The following CSMD1 variants were observed in gnomAD, a reference collection of about 807,000 sequenced individuals.
The protein encoded by CSMD1 is CUB and Sushi multiple domains 1.
Under a neutral mutation model 417.5 loss-of-function variants are expected in CSMD1, and 213 were observed. That is an observed-to-expected ratio of 0.51 (90% CI 0.46 to 0.57). CSMD1 has a LOEUF of 0.57. Ranked by LOEUF, CSMD1 falls within the 20% of genes least tolerant of loss-of-function variation. The pLI is 0.00. For missense variants in CSMD1, 6,923 were observed against 4,529.7 expected (o/e 1.53, Z -15.17); for synonymous variants, 2,862 against 1,736.8 (o/e 1.65, Z -16.11).
chr8:3,726,868 G>C (rs1309490217), intron 6 of CSMD1, among the ~76,000 whole-genome samples: 2 of 152,192 alleles, frequency 1.3e-5, no homozygotes, highest in Non-Finnish European at 2.9e-5. Flanking sequence ...CCCAAAGATA[G>C]ATTTCCTGTC....
intron 50 of CSMD1, among the ~76,000 whole-genome samples, chr8:3,047,726 T>C (rs1051505723): frequency 2.0e-5 from 3 of 152,210 alleles, no homozygotes; most frequent in Non-Finnish European, 4.4e-5. Context: ...GGCTCTTTAT[T>C]TCAGGGTTAT....
intron 5 of CSMD1, among the ~76,000 whole-genome samples, chr8:3,760,799 T>A (rs1490747276): frequency 6.6e-6 from 1 of 152,174 alleles, no homozygotes; most frequent in African/African-American, 2.4e-5. Context: ...TAAGTCTCTT[T>A]AACTATGATG....
At chr8:4,701,047 T>A (rs1807502373) in intron 1 of CSMD1, among the ~76,000 whole-genome samples, 2 of 152,138 alleles carry the variant, frequency 1.3e-5, no homozygotes, top group Admixed American at 1.3e-4. Context: ...AAAGTATGAG[T>A]ACATAAAACA....
At chr8:4,823,633 G>A (rs1006370164) in intron 1 of CSMD1, among the ~76,000 whole-genome samples, 2 of 151,990 alleles carry the variant, frequency 1.3e-5, no homozygotes, top group Non-Finnish European at 2.9e-5. Flanking sequence ...ACTACACATA[G>A]CCTTTAGAAA....
intron 49 of CSMD1, among the ~76,000 whole-genome samples, chr8:3,075,006 C>T (rs977795175): frequency 6.6e-6 from 1 of 152,032 alleles, no homozygotes; most frequent in Non-Finnish European, 1.5e-5. Context: ...CCTTTTGGTG[C>T]TGTCCTCATG....
intron 3 of CSMD1, among the ~76,000 whole-genome samples, chr8:4,148,342 G>C (rs541241227): frequency 7.7e-6 from 1 of 129,390 alleles, no homozygotes; most frequent in Non-Finnish European, 1.6e-5. Flanking sequence ...CAGAGGAAGG[G>C]AAACATCACA....
intron 12 of CSMD1, among the ~76,000 whole-genome samples, chr8:3,424,322 G>A (rs1585144331): frequency 6.6e-6 from 1 of 152,172 alleles, no homozygotes; most frequent in Non-Finnish European, 1.5e-5. Context: ...AGTACAATCT[G>A]ACTTAATAAT....
At chr8:3,971,382 G>A (rs553648166) in intron 5 of CSMD1, among the ~76,000 whole-genome samples, 9 of 152,184 alleles carry the variant, frequency 5.9e-5, no homozygotes, top group South Asian at 2.1e-4. Context: ...AATGACGACT[G>A]TCCCTATTAA....
chr8:4,007,451 C>T lies in CSMD1; in HGVS notation c.611-9341G>A, dbSNP rs996508147. 4.6e-5 allele frequency among the ~76,000 whole-genome samples: 7 copies of T among 152,192 alleles called. No homozygotes were observed. In the East Asian group the frequency reaches 1.2e-3, roughly 25 times the overall value. ...CCACCTGCCTGAGAAGCACATCTCC[C>T]TGTCTGACTTCAGAGCCCCTCACAA... On this transcript the variant is annotated intron_variant, in intron 4 of 69. Coordinates refer to ENST00000635120, the MANE Select transcript of CSMD1 (RefSeq NM_033225.6).
At chr8:4,499,096 G>A (rs576414511) in intron 2 of CSMD1, among the ~76,000 whole-genome samples, 1 of 152,256 alleles carries the variant, frequency 6.6e-6, no homozygotes, top group South Asian at 2.1e-4. Context: ...GAAATGAAAT[G>A]TTAAAATGCA....
chr8:3,708,813 G>A (rs960169715), intron 6 of CSMD1, among the ~76,000 whole-genome samples: 4 of 152,112 alleles, frequency 2.6e-5, no homozygotes, highest in Non-Finnish European at 5.9e-5. Flanking sequence ...TCCCCAAATT[G>A]TTCAGGCAGA....
chr8:3,488,089 T>TTAG (rs530214729), intron 11 of CSMD1, among the ~76,000 whole-genome samples: 2 of 144,870 alleles, frequency 1.4e-5, no homozygotes, highest in African/African-American at 4.9e-5. Context: ...ACTCATAGTA[T>TTAG]TATTATTATT....
At chr8:4,115,456 G>C (rs969351063) in intron 3 of CSMD1, among the ~76,000 whole-genome samples, 1 of 152,120 alleles carries the variant, frequency 6.6e-6, no homozygotes. Context: ...AGGTATGCCT[G>C]TGTTTTTATA....
chr8:3,803,968 C>T (rs773811363), intron 5 of CSMD1, among the ~76,000 whole-genome samples: 1 of 152,036 alleles, frequency 6.6e-6, no homozygotes, highest in East Asian at 1.9e-4. Context: ...TGCTCTGTCG[C>T]CCAGGCTGGA....
intron 5 of CSMD1, among the ~76,000 whole-genome samples, chr8:3,853,917 G>A (rs372157789): frequency 1.4e-5 from 2 of 144,326 alleles, no homozygotes; most frequent in African/African-American, 5.1e-5. Flanking sequence ...ATACATTAAA[G>A]TATAATATAT....
chr8:4,891,187 A>C (rs1407071313), intron 1 of CSMD1, among the ~76,000 whole-genome samples: 2 of 152,290 alleles, frequency 1.3e-5, no homozygotes, highest in South Asian at 2.1e-4. Flanking sequence ...TACATCTGGA[A>C]GTGAAACATG....
At chr8:4,435,807 T>C (rs1798117903) in intron 2 of CSMD1, among the ~76,000 whole-genome samples, 1 of 152,192 alleles carries the variant, frequency 6.6e-6, no homozygotes, top group Non-Finnish European at 1.5e-5. Flanking sequence ...ACAGACCGTG[T>C]CCCGAACACC....
intron 1 of CSMD1, among the ~76,000 whole-genome samples, chr8:4,923,481 T>C (rs1319371032): frequency 1.3e-5 from 2 of 152,148 alleles, no homozygotes; most frequent in Non-Finnish European, 2.9e-5. Context: ...TGTCAAAACA[T>C]CTTATGTACT....
At chr8:4,591,013 C>G (rs943807193) in intron 2 of CSMD1, among the ~76,000 whole-genome samples, 5 of 152,160 alleles carry the variant, frequency 3.3e-5, no homozygotes, top group African/African-American at 1.2e-4. Flanking sequence ...TGCCTTCTTC[C>G]CTGCTGTCAA....
Sources: gnomAD v4.1 joint callset for allele counts (sites outside exome capture counted in the v4.1 genomes callset) on GRCh38, gnomAD v4.1.1 for gene constraint, MANE v1.5 for transcripts, NCBI Gene and HGNC (gene_info 2026-07-23, HGNC 2026-07-21) for gene names.